PLCB1: variants seen among roughly 807,000 people sequenced by gnomAD.
The protein encoded by PLCB1 is phospholipase C beta 1.
PLCB1 carries 46 observed loss-of-function variants against 161.8 expected under a neutral mutation model. That is an observed-to-expected ratio of 0.28 (90% CI 0.22 to 0.36). The LOEUF is 0.36. PLCB1 is among the 10% of genes least tolerant of loss of function. The pLI is 1.00. For synonymous variants in PLCB1, 517 were observed against 503.7 expected (o/e 1.03, Z -0.35); for missense variants, 1,016 against 1,472.5 (o/e 0.69, Z 5.07).
chr20:8,705,341 T>C (rs1267527220), intron 11 of PLCB1, among the ~76,000 whole-genome samples: 1 of 152,204 alleles, frequency 6.6e-6, no homozygotes, highest in East Asian at 1.9e-4. Context: ...AGATAAATTC[T>C]GTTTCTCTTC....
At chr20:8,396,545 A>G (rs1305550592) in intron 3 of PLCB1, among the ~76,000 whole-genome samples, 7 of 152,084 alleles carry the variant, frequency 4.6e-5, no homozygotes, top group Non-Finnish European at 1.0e-4. Flanking sequence ...TAAAGGTTCA[A>G]TTTCAAAAAA....
At chr20:8,632,908 C>T (rs1029252085) in intron 4 of PLCB1, among the ~76,000 whole-genome samples, 13 of 151,938 alleles carry the variant, frequency 8.6e-5, no homozygotes, top group African/African-American at 2.9e-4. Context: ...ATGGAAGCCC[C>T]GAGAGGGTTT....
chr20:8,694,778 C>T (rs903408188), intron 10 of PLCB1, among the ~76,000 whole-genome samples: 5 of 152,130 alleles, frequency 3.3e-5, no homozygotes, highest in African/African-American at 9.7e-5. Flanking sequence ...CAGTGATGTG[C>T]GTAAACAATT....
intron 3 of PLCB1, among the ~76,000 whole-genome samples, chr20:8,381,597 A>G (rs1354834909): frequency 6.6e-6 from 1 of 152,196 alleles, no homozygotes; most frequent in Non-Finnish European, 1.5e-5. Context: ...TTGGTAGGCT[A>G]TTAATTACTG....
chr20:8,563,513 C>T (rs1806102535), intron 3 of PLCB1, among the ~76,000 whole-genome samples: 1 of 151,960 alleles, frequency 6.6e-6, no homozygotes, highest in South Asian at 2.1e-4. Context: ...GGACACAGTG[C>T]AATATGGAGA....
chr20:8,758,230 TAA>T (rs11481234), intron 24 of PLCB1, among the ~76,000 whole-genome samples: 3 of 141,684 alleles, frequency 2.1e-5, no homozygotes, highest in African/African-American at 7.9e-5. Context: ...GAAAGAGAAT[TAA>T]AAAAAAAAAA....
intron 3 of PLCB1, among the ~76,000 whole-genome samples, chr20:8,461,804 A>G (rs1337730098): frequency 6.6e-6 from 1 of 152,134 alleles, no homozygotes; most frequent in East Asian, 1.9e-4. Context: ...AGCAAACAAT[A>G]TTTTTGGCCT....
chr20:8,676,985 G>C (rs1294346202), intron 9 of PLCB1, among the ~76,000 whole-genome samples: 1 of 152,030 alleles, frequency 6.6e-6, no homozygotes, highest in Non-Finnish European at 1.5e-5. Flanking sequence ...AACATAAACT[G>C]GCTGTTAAAC....
intron 3 of PLCB1, among the ~76,000 whole-genome samples, chr20:8,450,993 C>T (rs1172331766): frequency 6.6e-6 from 1 of 152,176 alleles, no homozygotes. Flanking sequence ...AAAATATGCA[C>T]AAATTGGCAA....
chr20:8,653,968 A>T (rs1415583587), intron 7 of PLCB1, among the ~76,000 whole-genome samples: 6 of 152,118 alleles, frequency 3.9e-5, no homozygotes, highest in Non-Finnish European at 8.8e-5. Context: ...ACATGAAAAT[A>T]TTCAAGTAAA....
intron 3 of PLCB1, among the ~76,000 whole-genome samples, chr20:8,473,214 C>A (rs1426159673): frequency 1.3e-5 from 2 of 152,138 alleles, no homozygotes; most frequent in African/African-American, 4.8e-5. Flanking sequence ...TCTTGACATA[C>A]ACTGCTGAAT....
chr20:8,803,113 G>A (rs1235925458), intron 31 of PLCB1, among the ~76,000 whole-genome samples: 1 of 152,180 alleles, frequency 6.6e-6, no homozygotes, highest in Non-Finnish European at 1.5e-5. Context: ...AGAGGTATGA[G>A]TTATTCCTCT....
chr20:8,832,936 G>A (rs1396876020), intron 31 of PLCB1, among the ~76,000 whole-genome samples: 1 of 152,124 alleles, frequency 6.6e-6, no homozygotes, highest in Admixed American at 6.5e-5. Context: ...GTGGAATCAC[G>A]GCACAATCCA....
chr20:8,176,233 A>G (rs2051782150), intron 2 of PLCB1, among the ~76,000 whole-genome samples: 1 of 152,234 alleles, frequency 6.6e-6, no homozygotes, highest in Non-Finnish European at 1.5e-5. Context: ...CCCAAACTGA[A>G]GATAGACCAG....
chr20:8,792,643 T>C, intron 31 of PLCB1: 1 of 471,246 alleles, frequency 2.1e-6, no homozygotes, highest in Non-Finnish European at 4.4e-6. Context: ...ATGACCATCT[T>C]TTTGTGTCTG....
intron 2 of PLCB1, among the ~76,000 whole-genome samples, chr20:8,357,484 A>T (rs901494603): frequency 2.0e-5 from 3 of 151,942 alleles, no homozygotes; most frequent in Non-Finnish European, 4.4e-5. Flanking sequence ...TAATACAGTG[A>T]TTTTTTTTCT....
In PLCB1 at chr20:8,276,594, A is replaced by AT. The variant is rs1385126847; in HGVS notation, c.178-94783dup. On this transcript the variant is annotated intron_variant, in intron 2 of 31. Transcript: ENST00000338037. Reference sequence around the variant, plus strand: ...TTACACTGTTAACTCCTTAAATGAGATTTTTGCATAATATTTAAAGTACAA... The same window carrying AT: ...TTACACTGTTAACTCCTTAAATGAGATTTTTTGCATAATATTTAAAGTACAA... Among the ~76,000 whole-genome samples the AT allele has an allele frequency of 9.2e-5, 14 of 152,208 alleles. No homozygotes were observed. In the South Asian group the frequency reaches 2.9e-3, roughly 32 times the overall value.
intron 3 of PLCB1, among the ~76,000 whole-genome samples, chr20:8,402,952 A>G (rs1206890266): frequency 2.6e-5 from 4 of 152,160 alleles, no homozygotes; most frequent in Non-Finnish European, 4.4e-5. Context: ...TAAATTTTAT[A>G]TCTATTTTTG....
intron 31 of PLCB1, among the ~76,000 whole-genome samples, chr20:8,832,127 A>C (rs1483797585): frequency 6.6e-6 from 1 of 152,100 alleles, no homozygotes; most frequent in Non-Finnish European, 1.5e-5. Context: ...CACTCAGTAG[A>C]TATTACATGT....
Sources: allele counts gnomAD v4.1 joint callset (sites outside exome capture counted in the v4.1 genomes callset), GRCh38; gene constraint gnomAD v4.1.1; transcripts MANE v1.5; gene names NCBI Gene and HGNC (gene_info 2026-07-23, HGNC 2026-07-21).